Variants in NHERF1 observed in about 807,000 individuals in gnomAD.
The protein encoded by NHERF1 is NHERF family PDZ scaffold protein 1.
the NHERF1 span, among the ~76,000 whole-genome samples, chr17:74,751,085 A>C: frequency 6.6e-6 from 1 of 152,186 alleles, no homozygotes; most frequent in Non-Finnish European, 1.5e-5. The surrounding 1 kb of genome is among the most constrained non-coding windows in gnomAD (Gnocchi z 4.3). Context: ...AGATGGAGGC[A>C]TTGGGCGATG....
chr17:74,763,878 G>A, the NHERF1 span, among the ~76,000 whole-genome samples: 4 of 152,252 alleles, frequency 2.6e-5, no homozygotes, highest in Admixed American at 2.6e-4. Context: ...GTGAGGAAAG[G>A]GTTAACTCCG....
At chr17:74,768,639 C>T in the NHERF1 span, 8 of 1,614,046 alleles carry the variant, frequency 5.0e-6, no homozygotes, top group African/African-American at 8.0e-5. Context: ...GAAAAACGAA[C>T]TCTTCAGCAA....
At chr17:74,766,903 T>C in the NHERF1 span, 1 of 1,612,316 alleles carries the variant, frequency 6.2e-7, no homozygotes, top group Non-Finnish European at 8.5e-7. Flanking sequence ...CCATCCCCGT[T>C]CTGGACTCAC....
the NHERF1 span, chr17:74,768,847 G>A: frequency 1.3e-4 from 79 of 602,378 alleles, no homozygotes; most frequent in Non-Finnish European, 3.2e-5. Context: ...CCGTCCTCCC[G>A]CAGTCAGAAA....
the NHERF1 span, chr17:74,749,138 C>G: frequency 6.4e-7 from 1 of 1,563,506 alleles, no homozygotes; most frequent in Non-Finnish European, 8.6e-7. This position sits in a 1 kb window ranked among gnomAD's most constrained non-coding sequence, Gnocchi z 5.6. Flanking sequence ...GACGGACGAG[C>G]AGCTGCAGAA....
At chr17:74,766,823 A>C in the NHERF1 span, 1 of 1,016,944 alleles carries the variant, frequency 9.8e-7, no homozygotes, top group Non-Finnish European at 1.6e-6. Context: ...AAAGTTTGAG[A>C]TGTTGACCCA....
At chr17:74,762,094 C>T in the NHERF1 span, 1 of 1,614,146 alleles carries the variant, frequency 6.2e-7, no homozygotes, top group Non-Finnish European at 8.5e-7. This position sits in a 1 kb window ranked among gnomAD's most constrained non-coding sequence, Gnocchi z 4.2. Flanking sequence ...AAGTCCAAGC[C>T]AGGCCAGTTC....
the NHERF1 span, chr17:74,748,822 C>G: frequency 6.4e-7 from 1 of 1,572,316 alleles, no homozygotes; most frequent in African/African-American, 1.3e-5. The surrounding 1 kb of genome is among the most constrained non-coding windows in gnomAD (Gnocchi z 4.3). Flanking sequence ...CCCCAAGTCG[C>G]GCCGCTGACC....
At chr17:74,762,257 G>A in the NHERF1 span, 2 of 1,513,526 alleles carry the variant, frequency 1.3e-6, no homozygotes, top group African/African-American at 2.7e-5. This position sits in a 1 kb window ranked among gnomAD's most constrained non-coding sequence, Gnocchi z 4.2. Context: ...ATACCATCAT[G>A]GGCTTGATTA....
At chr17:74,763,332 T>C in the NHERF1 span, 10 of 1,595,580 alleles carry the variant, frequency 6.3e-6, no homozygotes, top group Middle Eastern at 3.6e-4. Flanking sequence ...AACCAAGGCC[T>C]GTGTCCGTAA....
chr17:74,756,537 C>T, the NHERF1 span, among the ~76,000 whole-genome samples: 1 of 152,112 alleles, frequency 6.6e-6, no homozygotes, highest in Non-Finnish European at 1.5e-5. Context: ...CCTTGGCCTC[C>T]CAAAATGCTG....
chr17:74,766,069 G>T, the NHERF1 span, among the ~76,000 whole-genome samples: 3 of 152,158 alleles, frequency 2.0e-5, no homozygotes, highest in Non-Finnish European at 2.9e-5. Context: ...GAATTAGGCA[G>T]CCATCCTCGA....
At chr17:74,760,397 G>T in the NHERF1 span, among the ~76,000 whole-genome samples, 2 of 152,138 alleles carry the variant, frequency 1.3e-5, no homozygotes, top group Admixed American at 1.3e-4. This position sits in a 1 kb window ranked among gnomAD's most constrained non-coding sequence, Gnocchi z 4.5. Flanking sequence ...TGGGGTGAGG[G>T]GTCCTCGAGC....
the NHERF1 span, among the ~76,000 whole-genome samples, chr17:74,750,101 TGTGTGCGCCAGCGGAGCTCACG>T: frequency 6.6e-6 from 1 of 152,200 alleles, no homozygotes; most frequent in East Asian, 1.9e-4. Flanking sequence ...CTCACGGCCC[TGTGTGCGCCAGCGGAGCTCACG>T]GTGAGCCGGT....
chr17:74,765,584 C>G, the NHERF1 span, among the ~76,000 whole-genome samples: 36 of 148,470 alleles, frequency 2.4e-4, no homozygotes, highest in African/African-American at 7.8e-4. Context: ...CGGACACAGT[C>G]TCTGTCACCC....
the NHERF1 span, among the ~76,000 whole-genome samples, chr17:74,750,077 G>C: frequency 1.3e-5 from 2 of 152,140 alleles, no homozygotes; most frequent in Non-Finnish European, 2.9e-5. Flanking sequence ...GGGGAGGAGA[G>C]AGAGCTCCTG....
At chr17:74,768,216 T>C in the NHERF1 span, 4 of 1,613,100 alleles carry the variant, frequency 2.5e-6, no homozygotes, top group Non-Finnish European at 3.4e-6. Context: ...GAGATCCGCC[T>C]CCAGTGACAC....
At chr17:74,758,226 C>T in the NHERF1 span, among the ~76,000 whole-genome samples, 3 of 152,224 alleles carry the variant, frequency 2.0e-5, no homozygotes, top group South Asian at 2.1e-4. The surrounding 1 kb of genome is among the most constrained non-coding windows in gnomAD (Gnocchi z 4.3). Context: ...ATTCCGTGCC[C>T]GCCATCCGCT....
the NHERF1 span, among the ~76,000 whole-genome samples, chr17:74,760,974 C>G: frequency 6.6e-6 from 1 of 152,226 alleles, no homozygotes; most frequent in Non-Finnish European, 1.5e-5. The surrounding 1 kb of genome is among the most constrained non-coding windows in gnomAD (Gnocchi z 4.5). Flanking sequence ...TGGCCCTGCA[C>G]CAGGCCTGGA....
Sources: allele counts gnomAD v4.1 joint callset (sites outside exome capture counted in the v4.1 genomes callset), GRCh38; gene constraint gnomAD v4.1.1; non-coding constraint Gnocchi (gnomAD v3.1); transcripts MANE v1.5; gene names NCBI Gene and HGNC (gene_info 2026-07-23, HGNC 2026-07-21).